Variants in TMPRSS4 observed in about 807,000 individuals in gnomAD.
TMPRSS4 encodes the protein transmembrane protease serine 4.
In TMPRSS4, 45 loss-of-function variants were observed where a neutral mutation model predicts 56.4. The ratio of observed to expected loss-of-function variants is 0.80; its 90% CI spans 0.63 to 1.02. The LOEUF (loss-of-function observed/expected upper bound fraction) is 1.02. Among genes scored for constraint, TMPRSS4 ranks in the 50% least tolerant of loss-of-function variants. TMPRSS4 has a pLI of 0.00. For synonymous variants in TMPRSS4, 205 were observed against 211.0 expected, an observed-to-expected ratio of 0.97 and a Z score of 0.25; for missense variants, 546 against 556.7, an observed-to-expected ratio of 0.98 and a Z score of 0.19.
chr11:118,108,833 AGG>A (rs1947131075), intron 6 of TMPRSS4, 21 bp from the exon 7 acceptor site: 1 of 1,613,452 alleles, frequency 6.2e-7, no homozygotes, highest in Admixed American at 1.7e-5. Flanking sequence ...CTTAAATCAC[AGG>A]GCGCTGTGTC....
chr11:118,124,422 A>G (rs546026844), downstream of TMPRSS4, among the ~76,000 whole-genome samples: 6 of 152,248 alleles, frequency 3.9e-5, no homozygotes, highest in African/African-American at 1.4e-4. Flanking sequence ...ACAAACAAAC[A>G]AAAACACTTC....
rs775069496 is a variant in TMPRSS4 at position 118,099,043 on chromosome 11, C to A, written c.102C>A (p.Ile34=). 27 of 1,614,000 alleles carry A rather than the reference C, an allele frequency of 1.7e-5. No individual in the cohort carries two copies. The highest frequency in any genetic ancestry group is 1.6e-4 in the South Asian group (15 of 91,076). The part of the protein sequence containing the change: ...IPMETFRKVG[I]PIIIALLSLA... ...TGGAGACCTTCAGAAAGGTGGGGAT[C>A]CCCATCATCATAGCACTACTGAGCC... The change falls in exon 3 of 13, where the codon ATC becomes ATA. Residue 34 remains isoleucine (I), a synonymous_variant. Coordinates refer to ENST00000437212, the MANE Select transcript of TMPRSS4 (RefSeq NM_019894.4).
chr11:118,089,525 T>C lies in TMPRSS4; in HGVS notation c.4-5291T>C, dbSNP rs79734762. Reference sequence around the variant, plus strand: ...CTTGCTAGTTAGTTGGATTTAACAATGTAATAAGCCTCCATAAACCCATCA... The same window carrying C: ...CTTGCTAGTTAGTTGGATTTAACAACGTAATAAGCCTCCATAAACCCATCA... On this transcript the variant is annotated intron_variant, in intron 1 of 12. Transcript: ENST00000437212. 6.9e-3 allele frequency among the ~76,000 whole-genome samples: 1,052 copies of C among 152,298 alleles called. 18 individuals are homozygous for C. Among genetic ancestry groups the C allele is most frequent in the African/African-American group, 0.024 (1,002 of 41,550 alleles).
At chr11:118,093,585 A>G (rs1397172996) in intron 1 of TMPRSS4, among the ~76,000 whole-genome samples, 1 of 152,200 alleles carries the variant, frequency 6.6e-6, no homozygotes, top group Non-Finnish European at 1.5e-5. Context: ...AGTGGTGTAA[A>G]TAGAAATGCC....
chr11:118,078,037 A>G (rs1165407917), intron 1 of TMPRSS4, among the ~76,000 whole-genome samples: 13 of 94,078 alleles, frequency 1.4e-4, no homozygotes, highest in African/African-American at 3.6e-4. Flanking sequence ...AAAAAAAAAA[A>G]AAAAAAAGAA....
chr11:118,079,209 C>G (rs1011752027), intron 1 of TMPRSS4, among the ~76,000 whole-genome samples: 2 of 152,142 alleles, frequency 1.3e-5, no homozygotes, highest in Non-Finnish European at 2.9e-5. Flanking sequence ...ATAACCCTGT[C>G]ATTAAGCCTG....
Position 118,107,891 on chromosome 11 carries a change from C to T in TMPRSS4, c.542+16C>T. On this transcript the variant is annotated intron_variant, in intron 6 of 12. Coordinates refer to ENST00000437212, the MANE Select transcript of TMPRSS4 (RefSeq NM_019894.4). ...ACTCAAGTGGGTAAGTGAGGGGACA[C>T]CTTCTGGCCTACAGAAGGCCCCCAC... The T allele has an allele frequency of 1.9e-6, 3 of 1,610,678 alleles. No homozygotes were observed. The highest frequency in any genetic ancestry group is 2.5e-6 in the Non-Finnish European group (3 of 1,177,756).
downstream of TMPRSS4, among the ~76,000 whole-genome samples, chr11:118,125,013 C>T (rs1947861189): frequency 6.6e-6 from 1 of 152,212 alleles, no homozygotes; most frequent in Non-Finnish European, 1.5e-5. Context: ...CTGCCACCAC[C>T]TCCTCTCCTA....
At chr11:118,077,344 G>C (rs371036481) in intron 1 of TMPRSS4, 39 bp downstream of exon 1, 19 of 1,579,136 alleles carry the variant, frequency 1.2e-5, no homozygotes, top group Non-Finnish European at 1.6e-5. Context: ...CACAGGAAGG[G>C]TGGGTCTCCC....
intron 3 of TMPRSS4, among the ~76,000 whole-genome samples, chr11:118,102,740 G>A (rs1047837645): frequency 1.3e-5 from 2 of 152,078 alleles, no homozygotes; most frequent in Non-Finnish European, 2.9e-5. Flanking sequence ...TTCCACAGTG[G>A]GTGGCAGGGC....
rs1359994081 is a variant in TMPRSS4 at position 118,094,855 on chromosome 11, G to A, written c.43G>A (p.Asp15Asn). 7 of 1,611,982 alleles carry A rather than the reference G, an allele frequency of 4.3e-6. No individual in the cohort carries two copies. Among genetic ancestry groups the A allele is most frequent in the African/African-American group, 1.3e-5 (1 of 74,884 alleles). The change falls in exon 2 of 13, where the codon GAT becomes AAT. Residue 15 changes from aspartate (D) to asparagine (N), a missense_variant and splice_region_variant. Asp to Asn is a conservative substitution (Grantham distance 23). Transcript: ENST00000437212. ...CAGTGATCAACCTCTGAACAGCCTC[G>A]GTAAGTTCAGGTCCGGCTTTCATTC... ...PDSDQPLNSL[D>N]VKPLRKPRIP...
At chr11:118,085,716 G>A (rs1228226034) in intron 1 of TMPRSS4, among the ~76,000 whole-genome samples, 1 of 152,200 alleles carries the variant, frequency 6.6e-6, no homozygotes, top group African/African-American at 2.4e-5. Flanking sequence ...GAGGGTCCCT[G>A]CCAGGCTGAA....
intron 5 of TMPRSS4, among the ~76,000 whole-genome samples, chr11:118,105,107 C>A (rs1014909856): frequency 6.6e-6 from 1 of 152,118 alleles, no homozygotes; most frequent in African/African-American, 2.4e-5. Context: ...ACACTTCTAG[C>A]GTCTATGCAG....
Position 118,118,714 on chromosome 11 carries a change from C to A in TMPRSS4, c.*801C>A, listed in dbSNP as rs537959792. On this transcript the variant is annotated 3_prime_UTR_variant, in exon 13 of 13. Transcript: ENST00000437212. ...TCCCTCCCTCCCTGCCTGTGATAAT[C>A]AGCCAGGAGCCAGGGATAACCTATG... The A allele has an allele frequency of 5.1e-4, 481 of 940,148 alleles. 1 individual carries two copies. The African/African-American group carries it at 8.8e-3, about 17-fold the overall frequency. 58.2% of individuals were successfully genotyped at this position (940,148 alleles called of 1,614,324 possible). A position where few individuals can be genotyped will look rare whatever the true frequency, so the allele number is the denominator to read the frequency against.
downstream of TMPRSS4, among the ~76,000 whole-genome samples, chr11:118,122,327 G>T (rs146490012): frequency 3.0e-4 from 46 of 152,258 alleles, no homozygotes; most frequent in African/African-American, 1.1e-3. Flanking sequence ...AACTGAAAAA[G>T]TGGAGAAAGG....
intron 1 of TMPRSS4, among the ~76,000 whole-genome samples, chr11:118,085,029 C>T (rs1945435348): frequency 6.6e-6 from 1 of 152,142 alleles, no homozygotes; most frequent in African/African-American, 2.4e-5. Context: ...CCAGATGGGG[C>T]TCCTGGGGGC....
At chr11:118,094,978 A>G in intron 2 of TMPRSS4, 123 bp downstream of exon 2, 1 of 967,212 alleles carries the variant, frequency 1.0e-6, no homozygotes, top group Non-Finnish European at 1.6e-6. Flanking sequence ...GCCATGAGTG[A>G]CATCCAGTCA....
intron 1 of TMPRSS4, among the ~76,000 whole-genome samples, chr11:118,094,220 C>T (rs767336145): frequency 2.6e-5 from 4 of 152,180 alleles, no homozygotes; most frequent in Non-Finnish European, 5.9e-5. Context: ...TTCAGCCAAA[C>T]CATTTTCCAA....
intron 1 of TMPRSS4, among the ~76,000 whole-genome samples, chr11:118,089,342 T>C (rs1945799462): frequency 6.6e-6 from 1 of 152,214 alleles, no homozygotes; most frequent in African/African-American, 2.4e-5. Flanking sequence ...GGGCAGAGCA[T>C]GGTGAGGACA....
Sources: gnomAD v4.1 joint callset for allele counts (sites outside exome capture counted in the v4.1 genomes callset) on GRCh38, gnomAD v4.1.1 for gene constraint, MANE v1.5 for transcripts, NCBI Gene and HGNC (gene_info 2026-07-23, HGNC 2026-07-21) for gene names.